The following ART3 variants were observed in gnomAD, a reference collection of about 807,000 sequenced individuals.
The protein encoded by ART3 is ecto-ADP-ribosyltransferase 3.
Under a neutral mutation model 48.5 loss-of-function variants are expected in ART3, and 49 were observed. The ratio of observed to expected loss-of-function variants is 1.01; its 90% CI spans 0.80 to 1.28. ART3 has a LOEUF of 1.28. Among genes scored for constraint, ART3 ranks in the 50% most tolerant of loss-of-function variants. ART3 has a pLI of 0.00. For synonymous variants in ART3, 145 were observed against 157.2 expected (o/e 0.92, Z 0.58); for missense variants, 438 against 454.3 (o/e 0.96, Z 0.33).
chr4:76,094,739 CACAT>C (rs1214615836), intron 3 of ART3, among the ~76,000 whole-genome samples: 2 of 152,180 alleles, frequency 1.3e-5, no homozygotes, highest in African/African-American at 4.8e-5. Flanking sequence ...AGTTTTCTAA[CACAT>C]ATAATCTGAT....
At chr4:76,050,088 G>C (rs1735908424) in intron 1 of ART3, among the ~76,000 whole-genome samples, 2 of 152,074 alleles carry the variant, frequency 1.3e-5, no homozygotes, top group African/African-American at 2.4e-5. Context: ...GACTTTCGCG[G>C]TGAGTGTTAC....
At chr4:76,052,333 C>G (rs73825715) in intron 1 of ART3, among the ~76,000 whole-genome samples, 1,735 of 152,250 alleles carry the variant, frequency 0.011, 38 homozygotes, top group African/African-American at 0.039. Flanking sequence ...TTGATATGTG[C>G]TACCCCAAAC....
In ART3 at chr4:76,082,148, G is replaced by A. The variant is rs1252700056; in HGVS notation, c.394G>A (p.Gly132Ser). Residue 132 changes from glycine to serine, a missense_variant, in exon 3 of 12, where the codon GGC becomes AGC. Around this residue, in one of 3 missense-constraint regions of ART3, gnomAD observed 206 missense variants for 205.3 expected, o/e 1.00. Transcript: ENST00000355810. ...CCAATCTCGAGAAGATTATATCTAT[G>A]GCTTCCAGTTCAAAGCTTTCCACTT... ...AGQSREDYIY[G>S]FQFKAFHFYL... is the part of the protein sequence containing the mutation. The A allele has an allele frequency of 6.2e-7, 1 of 1,614,168 alleles. No individual in the cohort carries two copies. Among genetic ancestry groups the A allele is most frequent in the Middle Eastern group, 1.6e-4 (1 of 6,062 alleles).
At chr4:76,024,699 C>T (rs1733206529) in intron 1 of ART3, among the ~76,000 whole-genome samples, 1 of 152,152 alleles carries the variant, frequency 6.6e-6, no homozygotes. Context: ...AAGGCAGGCA[C>T]CACCCTGCAA....
intron 1 of ART3, chr4:76,022,348 A>G (rs1732923701): frequency 6.2e-7 from 1 of 1,602,770 alleles, no homozygotes; most frequent in Non-Finnish European, 8.5e-7. Context: ...ATTCTTCTGC[A>G]GGCAACAGCA....
At chr4:76,109,670 C>T (rs1294885100) in intron 11 of ART3, among the ~76,000 whole-genome samples, 2 of 152,174 alleles carry the variant, frequency 1.3e-5, no homozygotes, top group Admixed American at 1.3e-4. Flanking sequence ...GTTACAACGG[C>T]AACGATGTTG....
At chr4:76,093,217 T>A (rs1368909541) in intron 3 of ART3, among the ~76,000 whole-genome samples, 2 of 151,878 alleles carry the variant, frequency 1.3e-5, no homozygotes, top group African/African-American at 4.8e-5. Flanking sequence ...AGTTCAGGAG[T>A]TTGAGACCAG....
chr4:76,022,328 C>T, intron 1 of ART3: 1 of 1,550,938 alleles, frequency 6.4e-7, no homozygotes, highest in Middle Eastern at 1.7e-4. Context: ...TTGCCGTTTC[C>T]TAAAGAGCAA....
chr4:76,018,574 T>C (rs1306056308), intron 1 of ART3, among the ~76,000 whole-genome samples: 3 of 152,000 alleles, frequency 2.0e-5, no homozygotes, highest in Non-Finnish European at 2.9e-5. Context: ...GCATGCGTAC[T>C]CCCTAAACCT....
chr4:76,101,156 T>A, intron 8 of ART3, 137 bp downstream of exon 8: 1 of 974,634 alleles, frequency 1.0e-6, no homozygotes, highest in Non-Finnish European at 1.5e-6. Flanking sequence ...TTTGGTATAT[T>A]AGAGACTCTC....
intron 1 of ART3, among the ~76,000 whole-genome samples, chr4:76,048,532 G>A (rs991708358): frequency 6.6e-6 from 1 of 151,732 alleles, no homozygotes; most frequent in Non-Finnish European, 1.5e-5. Flanking sequence ...CCCTGCCCAA[G>A]AACCCACAAC....
chr4:76,058,877 G>C (rs1718923605), intron 1 of ART3, among the ~76,000 whole-genome samples: 1 of 152,176 alleles, frequency 6.6e-6, no homozygotes. Context: ...AACCAGAATA[G>C]AGAGGTTCCA....
intron 2 of ART3, among the ~76,000 whole-genome samples, chr4:76,077,534 T>C (rs80179944): frequency 0.12 from 17,861 of 152,258 alleles, 1,388 homozygotes; most frequent in East Asian, 0.35. Context: ...AATTTTCTAA[T>C]CATATAGTCT....
At chr4:76,035,910 T>TA in intron 1 of ART3, 1 of 1,609,396 alleles carries the variant, frequency 6.2e-7, no homozygotes, top group Non-Finnish European at 8.5e-7. Flanking sequence ...GGTTGAGAAA[T>TA]AAAAATTACT....
At chr4:76,034,728 C>CA in intron 1 of ART3, 2 of 1,183,098 alleles carry the variant, frequency 1.7e-6, no homozygotes, top group Non-Finnish European at 2.5e-6. Flanking sequence ...TTTCAGTAGT[C>CA]ACAGTTAAAC....
At chr4:76,019,981 G>C (rs1466254140) in intron 1 of ART3, among the ~76,000 whole-genome samples, 1 of 152,116 alleles carries the variant, frequency 6.6e-6, no homozygotes, top group Admixed American at 6.5e-5. Context: ...AGTTTTGCCA[G>C]TTTAGTGGTG....
chr4:76,021,456 G>A (rs1045078030), intron 1 of ART3: 6 of 156,506 alleles, frequency 3.8e-5, no homozygotes, highest in African/African-American at 1.4e-4. Context: ...TTGTATGTAG[G>A]TAGCCACTGA....
chr4:76,098,178 G>A (rs1726435038), intron 4 of ART3, among the ~76,000 whole-genome samples: 1 of 148,106 alleles, frequency 6.8e-6, no homozygotes, highest in African/African-American at 2.5e-5. Context: ...AACTTCCTCG[G>A]GGAAAAATAA....
rs780866387 is a variant in ART3 at position 76,035,225 on chromosome 4, A to G, written c.-10+23905A>G. ...CAAGTTCATTACTTACATCACTTCT[A>G]TTTTGTCACAGTTGTTACTTGGGTA... On this transcript the variant is annotated intron_variant, in intron 1 of 9. Transcript: ENST00000341029. The G allele has an allele frequency of 1.3e-5, 21 of 1,614,038 alleles. No individual in the cohort carries two copies. The South Asian group carries it at 1.5e-4, about 12-fold the overall frequency.
Sources: gnomAD v4.1 joint callset for allele counts (sites outside exome capture counted in the v4.1 genomes callset) on GRCh38, gnomAD v4.1.1 for gene constraint, gnomAD v4.1.1 regional missense constraint, MANE v1.5 for transcripts, NCBI Gene and HGNC (gene_info 2026-07-23, HGNC 2026-07-21) for gene names.